The following ARHGAP26 variants were observed in gnomAD, a reference collection of about 807,000 sequenced individuals.
ARHGAP26 encodes the protein Rho GTPase activating protein 26.
A neutral mutation model predicts 104.8 loss-of-function variants in ARHGAP26; 38 were observed. The ratio of observed to expected loss-of-function variants is 0.36; its 90% CI spans 0.28 to 0.48. The LOEUF (loss-of-function observed/expected upper bound fraction) is 0.48. Ranked by LOEUF, ARHGAP26 falls within the 20% of genes least tolerant of loss-of-function variation. ARHGAP26 has a pLI of 0.99. For synonymous variants in ARHGAP26, 341 were observed against 340.0 expected, an observed-to-expected ratio of 1.00 and a Z score of -0.03; for missense variants, 704 against 947.9, an observed-to-expected ratio of 0.74 and a Z score of 3.38.
chr5:143,151,007 G>A (rs529348960), intron 20 of ARHGAP26, among the ~76,000 whole-genome samples: 6 of 152,230 alleles, frequency 3.9e-5, no homozygotes, highest in Admixed American at 1.3e-4. Context: ...GAAAATATTT[G>A]CAAAACACAT....
intron 19 of ARHGAP26, among the ~76,000 whole-genome samples, chr5:143,143,738 G>T (rs1227643271): frequency 6.6e-6 from 1 of 152,178 alleles, no homozygotes; most frequent in East Asian, 1.9e-4. Context: ...ACCAGGAATG[G>T]ATGGCTAATG....
chr5:142,949,762 C>G (rs919555033), intron 11 of ARHGAP26, among the ~76,000 whole-genome samples: 2 of 152,110 alleles, frequency 1.3e-5, no homozygotes, highest in Non-Finnish European at 2.9e-5. Context: ...GCTTCTCACT[C>G]TAGGATCCAT....
chr5:143,037,118 A>C, intron 12 of ARHGAP26, 78 bp from the exon 13 acceptor site: 2 of 1,143,118 alleles, frequency 1.7e-6, no homozygotes, highest in Non-Finnish European at 2.6e-6. Context: ...CGATTGATTC[A>C]TCCTGGTTTG....
chr5:142,864,208 G>C (rs1326535930), intron 1 of ARHGAP26, among the ~76,000 whole-genome samples: 1 of 152,120 alleles, frequency 6.6e-6, no homozygotes, highest in Non-Finnish European at 1.5e-5. Flanking sequence ...TGTGAACGCT[G>C]TCAGTCTCTT....
chr5:142,978,984 A>G (rs2152724021), intron 11 of ARHGAP26, among the ~76,000 whole-genome samples: 1 of 152,340 alleles, frequency 6.6e-6, no homozygotes, highest in African/African-American at 2.4e-5. Flanking sequence ...GTTTAAAACA[A>G]AAGTGACTTA....
chr5:142,928,911 A>G (rs1764312261), intron 10 of ARHGAP26, among the ~76,000 whole-genome samples: 1 of 152,208 alleles, frequency 6.6e-6, no homozygotes, highest in African/African-American at 2.4e-5. Flanking sequence ...ATTGTTTTAT[A>G]TGTTCCCTTC....
intron 1 of ARHGAP26, among the ~76,000 whole-genome samples, chr5:142,799,096 C>T (rs557583090): frequency 3.4e-4 from 52 of 152,244 alleles, no homozygotes; most frequent in Non-Finnish European, 6.6e-4. Flanking sequence ...ATTTGGTCAC[C>T]TTTTCTGCTT....
At position 143,105,676 on chromosome 5, in the gene ARHGAP26, C is replaced by T. The variant is rs78527286; in HGVS notation, c.1539-15312C>T. Among the ~76,000 whole-genome samples, 899 of 152,208 alleles carry T rather than the reference C, an allele frequency of 5.9e-3. 21 individuals carry two copies. The East Asian group carries it at 0.077, about 13-fold the overall frequency. On this transcript the variant is annotated intron_variant, in intron 17 of 22. Coordinates refer to ENST00000645722, the MANE Select transcript of ARHGAP26 (RefSeq NM_001135608.3). ...TAGCCTTGCAGCACTGTGTTCCTGGCGGGAGTGGCATCTGTCTGCATGTCT... is the reference window on the plus strand; with the variant it reads ...TAGCCTTGCAGCACTGTGTTCCTGGTGGGAGTGGCATCTGTCTGCATGTCT...
intron 14 of ARHGAP26, among the ~76,000 whole-genome samples, chr5:143,050,025 C>T (rs1335336598): frequency 6.6e-6 from 1 of 152,172 alleles, no homozygotes; most frequent in Non-Finnish European, 1.5e-5. Flanking sequence ...AAAGTAGCCC[C>T]CAAAAGTGTG....
intron 17 of ARHGAP26, among the ~76,000 whole-genome samples, chr5:143,080,697 T>C (rs1271857745): frequency 6.6e-6 from 1 of 152,214 alleles, no homozygotes; most frequent in Non-Finnish European, 1.5e-5. Context: ...AAGTGGTAGC[T>C]TGGGGACCTC....
At chr5:143,160,688 T>A (rs954585423) in intron 20 of ARHGAP26, among the ~76,000 whole-genome samples, 2 of 151,958 alleles carry the variant, frequency 1.3e-5, no homozygotes, top group Admixed American at 1.3e-4. Context: ...TCTTGCTATG[T>A]CGCCCAGGCT....
chr5:143,071,538 A>AG (rs940032130), intron 17 of ARHGAP26, among the ~76,000 whole-genome samples: 2 of 152,242 alleles, frequency 1.3e-5, no homozygotes, highest in African/African-American at 4.8e-5. Context: ...AAGAAAACAC[A>AG]GGGGAAATGC....
At chr5:143,218,095 C>G (rs1254418773) in intron 22 of ARHGAP26, among the ~76,000 whole-genome samples, 2 of 152,210 alleles carry the variant, frequency 1.3e-5, no homozygotes, top group African/African-American at 4.8e-5. Context: ...TAAAGCTTTA[C>G]TGGAACACAG....
At chr5:143,018,021 T>A (rs1385922408) in intron 12 of ARHGAP26, among the ~76,000 whole-genome samples, 1 of 152,256 alleles carries the variant, frequency 6.6e-6, no homozygotes, top group African/African-American at 2.4e-5. Context: ...TTCAGCTCTC[T>A]AATTTTTTGC....
chr5:142,939,942 G>A (rs1340810172), intron 11 of ARHGAP26, among the ~76,000 whole-genome samples: 2 of 152,242 alleles, frequency 1.3e-5, no homozygotes, highest in Non-Finnish European at 2.9e-5. Context: ...TTCTAGCTCT[G>A]TTTTTAAATT....
intron 1 of ARHGAP26, among the ~76,000 whole-genome samples, chr5:142,793,133 A>G (rs1760202829): frequency 6.6e-6 from 1 of 151,702 alleles, no homozygotes; most frequent in South Asian, 2.1e-4. Flanking sequence ...CATGACCTGG[A>G]GGCCTGACAT....
At chr5:143,208,604 T>G (rs541746798) in intron 21 of ARHGAP26, among the ~76,000 whole-genome samples, 1 of 151,926 alleles carries the variant, frequency 6.6e-6, no homozygotes, top group East Asian at 1.9e-4. Flanking sequence ...CACAGGGAGG[T>G]GACTTGGACA....
chr5:142,858,386 T>C (rs960815629), intron 1 of ARHGAP26, among the ~76,000 whole-genome samples: 1 of 152,100 alleles, frequency 6.6e-6, no homozygotes, highest in Non-Finnish European at 1.5e-5. Context: ...GAGTGGGGAA[T>C]GGAAATGGGT....
chr5:142,803,306 C>T (rs1196669558), intron 1 of ARHGAP26, among the ~76,000 whole-genome samples: 1 of 152,078 alleles, frequency 6.6e-6, no homozygotes, highest in African/African-American at 2.4e-5. Context: ...ACTAGTTGTT[C>T]TGCATTTTTA....
Sources: gnomAD v4.1 joint callset for allele counts (sites outside exome capture counted in the v4.1 genomes callset) on GRCh38, gnomAD v4.1.1 for gene constraint, MANE v1.5 for transcripts, NCBI Gene and HGNC (gene_info 2026-07-23, HGNC 2026-07-21) for gene names.